Variants in ATR observed in about 807,000 individuals in gnomAD.
The protein encoded by ATR is serine/threonine-protein kinase ATR.
Under a neutral mutation model 305.3 loss-of-function variants are expected in ATR, and 142 were observed. The observed-to-expected ratio is 0.47, with a 90% CI of 0.41 to 0.53. The LOEUF is 0.53. ATR is among the 20% of genes least tolerant of loss of function. The pLI, the probability that ATR is intolerant of heterozygous loss-of-function variation, is 0.00. For missense variants in ATR, 2,135 were observed against 3,133.1 expected (o/e 0.68, Z 7.60); for synonymous variants, 1,050 against 1,068.1 (o/e 0.98, Z 0.33).
Position 142,562,210 on chromosome 3 carries a change from A to G in ATR, c.1170+22T>C, listed in dbSNP as rs1441998058. ...TGATGAACAAAATACATACTTAACT[A>G]GTAACCTGAAAAATTACTTACCTCT... On this transcript the variant is annotated intron_variant, in intron 4 of 46. Coordinates refer to ENST00000350721, the MANE Select transcript of ATR (RefSeq NM_001184.4). 3 of 1,613,252 alleles carry G rather than the reference A, an allele frequency of 1.9e-6. No homozygotes were observed. The South Asian group carries it at 3.3e-5, about 18-fold the overall frequency.
At chr3:142,555,438 A>C (rs2034632371) in intron 10 of ATR, among the ~76,000 whole-genome samples, 1 of 152,126 alleles carries the variant, frequency 6.6e-6, no homozygotes, top group African/African-American at 2.4e-5. Context: ...CATACTTCAT[A>C]AAAATTTATA....
At chr3:142,468,242 C>CCTAT (rs2071177112) in intron 38 of ATR, among the ~76,000 whole-genome samples, 174 bp from the exon 39 acceptor site, 1 of 151,878 alleles carries the variant, frequency 6.6e-6, no homozygotes. Context: ...ATATTGCCAC[C>CCTAT]CTATAACTTT....
intron 28 of ATR, 53 bp from the exon 29 acceptor site, chr3:142,505,356 A>C: frequency 6.9e-6 from 11 of 1,598,174 alleles, no homozygotes; most frequent in Non-Finnish European, 9.4e-6. Flanking sequence ...CACAACTGGA[A>C]ATAAAACTAT....
intron 12 of ATR, 31 bp downstream of exon 12, chr3:142,553,609 T>C: frequency 1.3e-6 from 2 of 1,562,354 alleles, no homozygotes; most frequent in Non-Finnish European, 1.8e-6. Flanking sequence ...CCAAAATAAA[T>C]AAGGAAGAAC....
intron 1 of ATR, among the ~76,000 whole-genome samples, chr3:142,576,106 G>A (rs1198328717): frequency 6.6e-6 from 1 of 152,218 alleles, no homozygotes; most frequent in Non-Finnish European, 1.5e-5. Flanking sequence ...GGTGGTAGCA[G>A]TGGAGACAGT....
chr3:142,551,634 A>G (rs2034472890), intron 13 of ATR, among the ~76,000 whole-genome samples: 1 of 152,170 alleles, frequency 6.6e-6, no homozygotes, highest in Non-Finnish European at 1.5e-5. Context: ...CAGAAAATTA[A>G]AACTGGACCC....
chr3:142,525,547 G>T (rs2108402658), intron 21 of ATR, among the ~76,000 whole-genome samples: 1 of 152,250 alleles, frequency 6.6e-6, no homozygotes, highest in South Asian at 2.1e-4. Context: ...TATAGCTTAG[G>T]TATCTGTCCA....
intron 13 of ATR, among the ~76,000 whole-genome samples, 178 bp from the exon 14 acceptor site, chr3:142,550,480 T>C (rs2034435277): frequency 6.6e-6 from 1 of 152,202 alleles, no homozygotes; most frequent in South Asian, 2.1e-4. Flanking sequence ...CTTTCACAGA[T>C]GACATAATCA....
chr3:142,572,369 TGA>T (rs1210326420), intron 1 of ATR, among the ~76,000 whole-genome samples: 2 of 133,802 alleles, frequency 1.5e-5, no homozygotes, highest in Non-Finnish European at 3.2e-5. Flanking sequence ...ACGCCCGGCC[TGA>T]CTTTTTTTTT....
chr3:142,531,820 G>C (rs544222661), intron 21 of ATR, among the ~76,000 whole-genome samples: 10 of 152,276 alleles, frequency 6.6e-5, no homozygotes, highest in Non-Finnish European at 8.8e-5. Flanking sequence ...AGATCCCTGA[G>C]GAATCGCCAC....
rs779460727 is a variant in ATR at position 142,465,088 on chromosome 3, T to G, written c.7041+9A>C. The G allele has an allele frequency of 1.0e-5, 15 of 1,436,334 alleles. No homozygotes were observed. The South Asian group carries it at 1.1e-4, about 10-fold the overall frequency. 89.0% of individuals were successfully genotyped at this position (1,436,334 alleles called of 1,614,324 possible). On this transcript the variant is annotated intron_variant, in intron 41 of 46. Coordinates refer to ENST00000350721, the MANE Select transcript of ATR (RefSeq NM_001184.4). ...AAATAAATAAAATAAAAGCAAACTATCTCCCAACCTTATTAATCAAGGAAT... is the reference window on the plus strand; with the variant it reads ...AAATAAATAAAATAAAAGCAAACTAGCTCCCAACCTTATTAATCAAGGAAT...
At chr3:142,509,871 T>A (rs1371079948) in intron 27 of ATR, among the ~76,000 whole-genome samples, 1 of 152,122 alleles carries the variant, frequency 6.6e-6, no homozygotes, top group African/African-American at 2.4e-5. Flanking sequence ...ATCCCAGCAC[T>A]CTGGGAGGCC....
intron 44 of ATR, among the ~76,000 whole-genome samples, chr3:142,458,602 T>C (rs1292901836): frequency 2.0e-5 from 3 of 152,196 alleles, no homozygotes; most frequent in African/African-American, 4.8e-5. Flanking sequence ...AATTCTGATA[T>C]GTTGCTAGAA....
In ATR at chr3:142,555,947, T is replaced by A. The variant is rs1403551625; in HGVS notation, c.2271A>T (p.Gln757His). 6.2e-7 allele frequency: 1 copy of A among 1,613,468 alleles called. No homozygotes were observed. Among genetic ancestry groups the A allele is most frequent in the Non-Finnish European group, 8.5e-7 (1 of 1,179,870 alleles). ...ATSQHECSSSQLKASVCKPFL... is the reference protein window; with the variant it reads ...ATSQHECSSSHLKASVCKPFL... ...ATGGCTTGCAGACAGAAGCTTTTAG[T>A]TGAGAAGATGAACATTCATGTTGAG... The change falls in exon 10 of 47, where the codon CAA (glutamine) becomes CAT (histidine). Residue 757 changes from glutamine to histidine, a missense_variant. Gln to His is a conservative substitution (Grantham distance 24, BLOSUM62 0). Coordinates refer to ENST00000350721, the MANE Select transcript of ATR (RefSeq NM_001184.4).
intron 36 of ATR, among the ~76,000 whole-genome samples, chr3:142,483,620 C>T (rs1016703837): frequency 5.3e-5 from 8 of 151,928 alleles, no homozygotes; most frequent in Admixed American, 3.9e-4. Flanking sequence ...GGGTGGATCA[C>T]GAGGTCAGGA....
rs1013010295 is a variant in ATR, at chr3:142,550,055, A to T, written c.2976+77T>A. 13 of 1,557,430 alleles carry T rather than the reference A, an allele frequency of 8.3e-6. No homozygotes were observed. The African/African-American group carries it at 1.8e-4, about 21-fold the overall frequency. The stretch of plus-strand genomic sequence containing the variant: ...TTTACAGCATAAGCAATAATCTCAT[A>T]TCAAAGTCAAAATCTAGAATGGAAT... On this transcript the variant is annotated intron_variant, in intron 14 of 46. Coordinates refer to ENST00000350721, the MANE Select transcript of ATR (RefSeq NM_001184.4).
chr3:142,578,213 G>T (rs1345765874), intron 1 of ATR, among the ~76,000 whole-genome samples: 1 of 152,192 alleles, frequency 6.6e-6, no homozygotes, highest in Non-Finnish European at 1.5e-5. Flanking sequence ...GGGACAAAAT[G>T]TAAGGCTAAA....
chr3:142,506,711 C>T (rs2032257121), intron 28 of ATR, among the ~76,000 whole-genome samples: 1 of 151,954 alleles, frequency 6.6e-6, no homozygotes, highest in South Asian at 2.1e-4. Flanking sequence ...AATAAAATAA[C>T]AGAAGGGAAG....
chr3:142,503,224 T>A, intron 30 of ATR, 138 bp downstream of exon 30: 1 of 612,598 alleles, frequency 1.6e-6, no homozygotes, highest in Non-Finnish European at 2.8e-6. Context: ...GAAAAAAAAA[T>A]GTTGGTGCTT....
Sources: gnomAD v4.1 joint callset for allele counts (sites outside exome capture counted in the v4.1 genomes callset) on GRCh38, gnomAD v4.1.1 for gene constraint, MANE v1.5 for transcripts, NCBI Gene and HGNC (gene_info 2026-07-23, HGNC 2026-07-21) for gene names.